The following SLC14A2 variants were observed in gnomAD, a reference collection of about 807,000 sequenced individuals.
SLC14A2 encodes solute carrier family 14 member 2.
A neutral mutation model predicts 104.6 loss-of-function variants in SLC14A2; 91 were observed. That is an observed-to-expected ratio of 0.87 (90% CI 0.73 to 1.04). The LOEUF (loss-of-function observed/expected upper bound fraction) is 1.04. Ranked by LOEUF, SLC14A2 falls within the 50% of genes least tolerant of loss-of-function variation. SLC14A2 has a pLI of 0.00. For synonymous variants in SLC14A2, 476 were observed against 466.4 expected, an observed-to-expected ratio of 1.02 and a Z score of -0.27; for missense variants, 1,189 against 1,156.0, an observed-to-expected ratio of 1.03 and a Z score of -0.41.
At chr18:45,200,042 C>T in the SLC14A2 span, among the ~76,000 whole-genome samples, 3 of 152,108 alleles carry the variant, frequency 2.0e-5, no homozygotes, top group South Asian at 6.2e-4. Flanking sequence ...GGGCTTTAAC[C>T]TCTGCCTATA....
At chr18:45,655,248 C>T (rs2045813382) in intron 10 of SLC14A2, among the ~76,000 whole-genome samples, 1 of 152,148 alleles carries the variant, frequency 6.6e-6, no homozygotes, top group South Asian at 2.1e-4. Context: ...AACAACATCC[C>T]AGGATATTGA....
chr18:45,560,762 C>T (rs188861152), intron 2 of SLC14A2, among the ~76,000 whole-genome samples: 3 of 152,130 alleles, frequency 2.0e-5, no homozygotes, highest in Admixed American at 6.5e-5. Flanking sequence ...TGTTGGAGCC[C>T]CCATACCCTC....
At chr18:45,585,262 T>C (rs1234217508) in intron 2 of SLC14A2, among the ~76,000 whole-genome samples, 1 of 152,206 alleles carries the variant, frequency 6.6e-6, no homozygotes, top group Non-Finnish European at 1.5e-5. Flanking sequence ...CTATTTTAAA[T>C]TGTAACTCCG....
the SLC14A2 span, among the ~76,000 whole-genome samples, chr18:45,205,904 G>C: frequency 4.5e-3 from 680 of 152,322 alleles, 3 homozygotes; most frequent in Non-Finnish European, 7.5e-3. Flanking sequence ...CAGCAGCATG[G>C]AAAGAGGGAG....
intron 1 of SLC14A2, among the ~76,000 whole-genome samples, chr18:45,235,174 G>A (rs1266856156): frequency 1.3e-5 from 2 of 152,108 alleles, no homozygotes; most frequent in African/African-American, 4.8e-5. Flanking sequence ...ATGCTTACCT[G>A]GAAAAGAGAT....
chr18:45,276,242 T>C (rs1282212369), intron 1 of SLC14A2, among the ~76,000 whole-genome samples: 1 of 152,260 alleles, frequency 6.6e-6, no homozygotes, highest in South Asian at 2.1e-4. Context: ...CATTTATTTA[T>C]TCCTTTAGCA....
At chr18:45,426,698 T>TATAC (rs367871115) in intron 1 of SLC14A2, among the ~76,000 whole-genome samples, 1 of 140,960 alleles carries the variant, frequency 7.1e-6, no homozygotes, top group Non-Finnish European at 1.5e-5. Flanking sequence ...TATACATACA[T>TATAC]ACACACACAC....
intron 1 of SLC14A2, among the ~76,000 whole-genome samples, chr18:45,616,555 C>T (rs541699470): frequency 6.6e-6 from 1 of 152,146 alleles, no homozygotes. Context: ...TTACCCATCA[C>T]CAGTGGCAAG....
At chr18:45,358,375 A>T (rs2085576364) in intron 1 of SLC14A2, among the ~76,000 whole-genome samples, 2 of 152,106 alleles carry the variant, frequency 1.3e-5, no homozygotes, top group Admixed American at 6.6e-5. Flanking sequence ...CATTTCTATG[A>T]AAAAGAAAGG....
At chr18:45,343,705 C>A (rs200558349) in intron 1 of SLC14A2, among the ~76,000 whole-genome samples, 2 of 152,070 alleles carry the variant, frequency 1.3e-5, no homozygotes, top group African/African-American at 2.4e-5. Context: ...CTTTGTGAAG[C>A]CTTTGAAAGG....
At chr18:45,307,183 A>G (rs936405403) in intron 1 of SLC14A2, among the ~76,000 whole-genome samples, 22 of 152,136 alleles carry the variant, frequency 1.4e-4, no homozygotes, top group Non-Finnish European at 2.2e-4. Flanking sequence ...TTGGGAGGCC[A>G]AGGCGGGCAG....
At chr18:45,249,515 G>T (rs1296113184) in intron 1 of SLC14A2, among the ~76,000 whole-genome samples, 2 of 152,086 alleles carry the variant, frequency 1.3e-5, no homozygotes, top group Non-Finnish European at 2.9e-5. Context: ...TGAGTAACTG[G>T]TCTGAATTTC....
At chr18:45,175,542 C>A in the SLC14A2 span, among the ~76,000 whole-genome samples, 2 of 152,024 alleles carry the variant, frequency 1.3e-5, no homozygotes, top group Non-Finnish European at 2.9e-5. Flanking sequence ...TACTGTTGAA[C>A]TTTTGTGACT....
intron 2 of SLC14A2, among the ~76,000 whole-genome samples, chr18:45,509,960 C>A (rs550348580): frequency 2.1e-4 from 32 of 152,262 alleles, no homozygotes; most frequent in Admixed American, 5.2e-4. Context: ...AGAAGGGGAA[C>A]CTGAAATCTG....
chr18:45,319,833 T>A (rs891041734), intron 1 of SLC14A2, among the ~76,000 whole-genome samples: 4 of 152,224 alleles, frequency 2.6e-5, no homozygotes, highest in Admixed American at 2.6e-4. Context: ...GGTATATTAT[T>A]GTTTTTTTCC....
chr18:45,209,996 A>G (rs1426944393), upstream of SLC14A2, among the ~76,000 whole-genome samples: 1 of 152,216 alleles, frequency 6.6e-6, no homozygotes, highest in East Asian at 1.9e-4. Context: ...GGATGGAGAA[A>G]GCCCGATAGC....
At chr18:45,395,764 C>T (rs1465686623) in intron 1 of SLC14A2, among the ~76,000 whole-genome samples, 1 of 152,124 alleles carries the variant, frequency 6.6e-6, no homozygotes, top group South Asian at 2.1e-4. Context: ...TATAAATCTT[C>T]TCTCCAAGCT....
chr18:45,201,964 A>G, the SLC14A2 span, among the ~76,000 whole-genome samples: 2 of 152,212 alleles, frequency 1.3e-5, no homozygotes, highest in East Asian at 3.8e-4. Context: ...ATCTCTTCTA[A>G]GAATGGGTCT....
chr18:45,448,673 C>G (rs1386564991), intron 1 of SLC14A2, among the ~76,000 whole-genome samples: 1 of 152,180 alleles, frequency 6.6e-6, no homozygotes, highest in Non-Finnish European at 1.5e-5. Context: ...GACAGCTCCT[C>G]CCTCTAACTC....
Sources: gnomAD v4.1 joint callset for allele counts (sites outside exome capture counted in the v4.1 genomes callset) on GRCh38, gnomAD v4.1.1 for gene constraint, MANE v1.5 for transcripts, NCBI Gene and HGNC (gene_info 2026-07-23, HGNC 2026-07-21) for gene names.